Variants in RAB9A observed in about 807,000 individuals in gnomAD.
The protein encoded by RAB9A is RAB9A, member RAS oncogene family, also known as ras-related protein Rab-9A.
RAB9A carries 1 observed loss-of-function variant against 10.3 expected under a neutral mutation model. The observed-to-expected ratio is 0.10, with a 90% CI of 0.03 to 0.46. The LOEUF is 0.46. Ranked by LOEUF, RAB9A falls within the 20% of genes least tolerant of loss-of-function variation. The pLI is 0.96. For synonymous variants in RAB9A, 39 were observed against 55.2 expected (o/e 0.71, Z 1.30); for missense variants, 92 against 150.3 (o/e 0.61, Z 2.03).
At chrX:13,691,303 C>T (rs1435112329) in intron 1 of RAB9A, among the ~76,000 whole-genome samples, 3 of 110,955 alleles carry the variant, frequency 2.7e-5, no homozygotes, top group African/African-American at 9.9e-5. Context: ...TTTGGGATAC[C>T]TCATCATTTT....
intron 2 of RAB9A, among the ~76,000 whole-genome samples, chrX:13,706,142 T>C (rs1325990569): frequency 8.9e-6 from 1 of 112,159 alleles, no homozygotes; most frequent in Non-Finnish European, 1.9e-5. Flanking sequence ...TTCAATCTTT[T>C]CTTTTTAAGT....
chrX:13,700,774 AT>A (rs953857162), intron 1 of RAB9A, among the ~76,000 whole-genome samples: 42 of 105,088 alleles, frequency 4.0e-4, no homozygotes, highest in East Asian at 5.9e-4. Context: ...TACAGTAAAA[AT>A]TTTTTTTTTT....
chrX:13,691,609 G>A (rs1041575503), intron 1 of RAB9A, among the ~76,000 whole-genome samples: 7 of 85,764 alleles, frequency 8.2e-5, no homozygotes, highest in South Asian at 1.4e-3. Flanking sequence ...GCAGTGAGCC[G>A]AGATCACGCC....
intron 2 of RAB9A, among the ~76,000 whole-genome samples, chrX:13,704,946 T>C (rs1486106095): frequency 8.9e-6 from 1 of 112,055 alleles, no homozygotes; most frequent in Non-Finnish European, 1.9e-5. Context: ...TTATAGAATT[T>C]AGCAGAATTA....
At chrX:13,708,071 C>G (rs1019499998) in intron 2 of RAB9A, among the ~76,000 whole-genome samples, 2 of 111,484 alleles carry the variant, frequency 1.8e-5, no homozygotes, top group Non-Finnish European at 1.9e-5. Flanking sequence ...CCTGTAGTCC[C>G]AGCACTTTGG....
intron 1 of RAB9A, among the ~76,000 whole-genome samples, chrX:13,690,325 T>C (rs1389986849): frequency 8.9e-6 from 1 of 112,422 alleles, no homozygotes; most frequent in Non-Finnish European, 1.9e-5. Flanking sequence ...TCTAGAACTT[T>C]AGTAGTTATT....
At chrX:13,697,909 A>G (rs2046154673) in intron 1 of RAB9A, among the ~76,000 whole-genome samples, 1 of 111,898 alleles carries the variant, frequency 8.9e-6, no homozygotes. Context: ...TGGACTCCCA[A>G]TTAACCACAC....
At position 13,708,733 on chromosome X, in the gene RAB9A, T is replaced by G. The variant is rs375532943; in HGVS notation, c.-14T>G. The G allele has an allele frequency of 5.8e-5, 68 of 1,172,662 alleles. No homozygotes were observed. The African/African-American group carries it at 1.1e-3, about 19-fold the overall frequency. On this transcript the variant is annotated 5_prime_UTR_variant, in exon 3 of 3. Coordinates refer to ENST00000464506, the MANE Select transcript of RAB9A (RefSeq NM_004251.5). ...TTTTATTTTACAGGGTTCTTGAAGC[T>G]TTTGAGATTAACAATGGCAGGAAAA...
chrX:13,709,644 A>T lies in RAB9A; in HGVS notation c.*292A>T, dbSNP rs1248796704. 6.1e-6 allele frequency: 1 copy of T among 163,989 alleles called. No individual in the cohort carries two copies. The highest frequency in any genetic ancestry group is 3.1e-5 in the African/African-American group (1 of 32,503). The allele number at this position is 163,989 out of a possible 1,213,427, so 13.5% of individuals were successfully genotyped here. On this transcript the variant is annotated 3_prime_UTR_variant, in exon 3 of 3. Transcript: ENST00000464506. ...ATGAAATGACCAAGACTTTAATTAT[A>T]ATAAAAATAAGAAACTTGACTATTC...
rs765424723 is a variant in RAB9A at position 13,709,309 on chromosome X, T to A, written c.563T>A (p.Val188Asp). 1 of 1,207,865 alleles carries A rather than the reference T, an allele frequency of 8.3e-7. No individual in the cohort carries two copies. The highest frequency in any genetic ancestry group is 2.2e-5 in the Admixed American group (1 of 45,541). Residue 188 changes from valine (V) to aspartate (D), a missense_variant, in exon 3 of 3, where the codon GTC becomes GAC. By Grantham distance (152) the Val-to-Asp change is radical (BLOSUM62 -3). Transcript: ENST00000464506. ...RSDHLIQTDT[V>D]NLHRKPKPSS... Reference sequence around the variant, plus strand: ...GATCATTTGATTCAGACAGACACAGTCAATCTTCACCGAAAGCCCAAGCCT... The same window carrying A: ...GATCATTTGATTCAGACAGACACAGACAATCTTCACCGAAAGCCCAAGCCT...
At chrX:13,690,220 A>C (rs764619896) in intron 1 of RAB9A, among the ~76,000 whole-genome samples, 1 of 112,225 alleles carries the variant, frequency 8.9e-6, no homozygotes, top group Non-Finnish European at 1.9e-5. Flanking sequence ...GCAAAACTAG[A>C]GATAAAGAAA....
chrX:13,707,569 C>T (rs188276315), intron 2 of RAB9A, among the ~76,000 whole-genome samples: 6 of 111,819 alleles, frequency 5.4e-5, no homozygotes, highest in African/African-American at 1.6e-4. Flanking sequence ...GAAATCTCAC[C>T]CCCCACAGGC....
chrX:13,695,593 T>C (rs1014206834), intron 1 of RAB9A, among the ~76,000 whole-genome samples: 15 of 112,463 alleles, frequency 1.3e-4, no homozygotes, highest in African/African-American at 4.2e-4. Flanking sequence ...ACATATTTCA[T>C]GTGTGGCTGA....
chrX:13,693,854 A>T (rs1371158584), intron 1 of RAB9A, among the ~76,000 whole-genome samples: 1 of 111,278 alleles, frequency 9.0e-6, no homozygotes, highest in Non-Finnish European at 1.9e-5. Flanking sequence ...AAGCCAGCTC[A>T]TTGCATTCTC....
intron 1 of RAB9A, among the ~76,000 whole-genome samples, chrX:13,699,073 A>T (rs1003155419): frequency 8.9e-6 from 1 of 111,743 alleles, no homozygotes; most frequent in Non-Finnish European, 1.9e-5. Context: ...AGTTTTGAGA[A>T]GGCAGTTTAC....
At chrX:13,699,368 C>G (rs184553794) in intron 1 of RAB9A, among the ~76,000 whole-genome samples, 1 of 112,218 alleles carries the variant, frequency 8.9e-6, no homozygotes, top group Non-Finnish European at 1.9e-5. Flanking sequence ...ATATACTCTT[C>G]GTTCTCAATG....
intron 1 of RAB9A, among the ~76,000 whole-genome samples, chrX:13,690,583 C>T (rs988553579): frequency 1.8e-5 from 2 of 111,758 alleles, no homozygotes; most frequent in African/African-American, 6.5e-5. Flanking sequence ...GCTATCACTT[C>T]TTTTCCAACC....
At chrX:13,695,191 C>T (rs1017625044) in intron 1 of RAB9A, among the ~76,000 whole-genome samples, 1 of 112,297 alleles carries the variant, frequency 8.9e-6, no homozygotes, top group Admixed American at 9.4e-5. Context: ...TGCTGCTTTC[C>T]GCATTAGGTT....
chrX:13,689,170 G>C lies in RAB9A; in HGVS notation c.-234G>C, dbSNP rs779041403. ...CTGGACGGGAGCAGCTGGAGCGGGA[G>C]CCTGGCTGCGCTACCGCGGCTGCCT... On this transcript the variant is annotated 5_prime_UTR_variant, in exon 1 of 3. Transcript: ENST00000464506. 3.5e-5 allele frequency: 4 copies of C among 113,296 alleles called. No individual in the cohort carries two copies. Among genetic ancestry groups the C allele is most frequent in the Non-Finnish European group, 5.6e-5 (3 of 53,352 alleles). 9.3% of individuals were successfully genotyped at this position (113,296 alleles called of 1,213,427 possible).
Sources: gnomAD v4.1 joint callset for allele counts (sites outside exome capture counted in the v4.1 genomes callset) on GRCh38, gnomAD v4.1.1 for gene constraint, MANE v1.5 for transcripts, NCBI Gene and HGNC (gene_info 2026-07-23, HGNC 2026-07-21) for gene names.